Variants in FER observed in about 807,000 individuals in gnomAD.
FER encodes the protein FER tyrosine kinase, also known as tyrosine-protein kinase Fer.
FER carries 63 observed loss-of-function variants against 111.0 expected under a neutral mutation model. That is an observed-to-expected ratio of 0.57 (90% CI 0.46 to 0.70). FER has a LOEUF of 0.70. Ranked by LOEUF, FER falls within the 30% of genes least tolerant of loss-of-function variation. The pLI is 0.00. For missense variants in FER, 914 were observed against 954.0 expected, an observed-to-expected ratio of 0.96 and a Z score of 0.55; for synonymous variants, 327 against 313.9, an observed-to-expected ratio of 1.04 and a Z score of -0.44.
chr5:108,918,729 C>T (rs1031864473), intron 10 of FER, among the ~76,000 whole-genome samples: 4 of 151,988 alleles, frequency 2.6e-5, no homozygotes, highest in East Asian at 1.9e-4. Flanking sequence ...CCTCATGATC[C>T]GCCCGCCTCA....
intron 10 of FER, among the ~76,000 whole-genome samples, chr5:108,905,941 G>A (rs1750697700): frequency 6.6e-6 from 1 of 152,134 alleles, no homozygotes; most frequent in African/African-American, 2.4e-5. Flanking sequence ...ATCTGGAGTA[G>A]TTACAGAGAT....
At chr5:108,883,968 A>G (rs1765927353) in intron 9 of FER, among the ~76,000 whole-genome samples, 1 of 151,972 alleles carries the variant, frequency 6.6e-6, no homozygotes, top group Admixed American at 6.6e-5. Context: ...TAGCTGTGCT[A>G]TTTTGTCTTG....
At chr5:109,054,165 T>A (rs1356291190) in intron 16 of FER, among the ~76,000 whole-genome samples, 1 of 152,188 alleles carries the variant, frequency 6.6e-6, no homozygotes, top group Non-Finnish European at 1.5e-5. Flanking sequence ...GTGGAATGAA[T>A]CGATCATCTG....
intron 11 of FER, among the ~76,000 whole-genome samples, chr5:108,952,012 C>G (rs1038030194): frequency 1.3e-5 from 2 of 152,072 alleles, no homozygotes; most frequent in African/African-American, 4.8e-5. Flanking sequence ...CTAATTCCAG[C>G]ATATTTTTGC....
chr5:109,115,344 T>C (rs1282040381), intron 17 of FER, among the ~76,000 whole-genome samples: 5 of 152,000 alleles, frequency 3.3e-5, no homozygotes, highest in Non-Finnish European at 5.9e-5. Flanking sequence ...CGATGGTGGG[T>C]GAAGGTGACT....
chr5:109,005,142 C>T (rs756537913), intron 13 of FER, among the ~76,000 whole-genome samples: 86 of 152,072 alleles, frequency 5.7e-4, no homozygotes, highest in Admixed American at 1.6e-3. Context: ...CGAGATGATG[C>T]AGCTGCCCTA....
At chr5:108,841,357 G>T (rs529011471) in intron 5 of FER, among the ~76,000 whole-genome samples, 1 of 152,228 alleles carries the variant, frequency 6.6e-6, no homozygotes, top group East Asian at 1.9e-4. Context: ...TAAACACTTG[G>T]TTAGGTTTAG....
At chr5:108,994,862 C>T (rs543632912) in intron 13 of FER, among the ~76,000 whole-genome samples, 21 of 152,216 alleles carry the variant, frequency 1.4e-4, no homozygotes, top group Non-Finnish European at 1.6e-4. Flanking sequence ...ATTTTATTCT[C>T]TTTGTAGCAA....
chr5:108,868,038 T>G, intron 6 of FER, 88 bp downstream of exon 6: 1 of 1,265,306 alleles, frequency 7.9e-7, no homozygotes, highest in Non-Finnish European at 1.1e-6. Flanking sequence ...GCTTCATAAG[T>G]TTTATTATTA....
chr5:109,037,179 A>AGT (rs1214751023), intron 13 of FER, among the ~76,000 whole-genome samples: 1 of 152,068 alleles, frequency 6.6e-6, no homozygotes, highest in East Asian at 1.9e-4. Flanking sequence ...CAGAGATACT[A>AGT]TCATTTCGAA....
At chr5:108,993,524 CTG>C (rs1380899195) in intron 13 of FER, among the ~76,000 whole-genome samples, 37 of 150,550 alleles carry the variant, frequency 2.5e-4, no homozygotes, top group Non-Finnish European at 3.0e-5. Context: ...CAGAGGGAGA[CTG>C]TGGAAAGAGA....
In FER at chr5:109,180,832, G is replaced by A. The variant is rs759087973; in HGVS notation, c.2134G>A (p.Gly712Arg). 11 of 1,613,500 alleles carry A rather than the reference G, an allele frequency of 6.8e-6. No homozygotes were observed. Among genetic ancestry groups the A allele is most frequent in the Non-Finnish European group, 9.3e-6 (11 of 1,179,656 alleles). ...TGGAATGTCTCGTCAAGAGGATGGT[G>A]GAGTGTATTCATCTTCTGGCTTAAA... is the stretch of plus-strand genomic sequence containing the variant. ...DFGMSRQEDG[G>R]VYSSSGLKQI... The change falls in exon 18 of 20, where the codon GGA becomes AGA. Residue 712 changes from glycine to arginine, a missense_variant. Gly to Arg is a moderately radical substitution (Grantham distance 125). This residue lies in a region of FER where 134 missense variants were observed against 149.4 expected (regional missense o/e 0.90). Coordinates refer to ENST00000281092, the MANE Select transcript of FER (RefSeq NM_005246.4).
intron 10 of FER, among the ~76,000 whole-genome samples, chr5:108,899,007 T>C (rs1749603300): frequency 6.6e-6 from 1 of 151,556 alleles, no homozygotes; most frequent in Non-Finnish European, 1.5e-5. Flanking sequence ...AGTTATGCTA[T>C]AGCTGATATT....
At chr5:108,983,982 G>T (rs1342358168) in intron 13 of FER, among the ~76,000 whole-genome samples, 2 of 151,956 alleles carry the variant, frequency 1.3e-5, no homozygotes, top group Admixed American at 6.6e-5. Context: ...TATTTATTGA[G>T]CACCTGCTTT....
chr5:109,168,491 C>T (rs1756779320), intron 17 of FER, among the ~76,000 whole-genome samples: 1 of 151,968 alleles, frequency 6.6e-6, no homozygotes, highest in Non-Finnish European at 1.5e-5. Flanking sequence ...ATTGAAGCCT[C>T]CATAAAAACC....
At chr5:109,093,625 C>T (rs1747102846) in intron 16 of FER, among the ~76,000 whole-genome samples, 1 of 152,030 alleles carries the variant, frequency 6.6e-6, no homozygotes. Flanking sequence ...GGTTATGATA[C>T]ATTCAATTTC....
At chr5:109,187,331 C>A in intron 19 of FER, 102 bp from the exon 20 acceptor site, 2 of 1,220,644 alleles carry the variant, frequency 1.6e-6, no homozygotes, top group Non-Finnish European at 2.3e-6. Context: ...CATATAACTA[C>A]AACATAAGGT....
chr5:108,871,490 T>C lies in FER; in HGVS notation c.791T>C (p.Ile264Thr). 1.2e-6 allele frequency: 2 copies of C among 1,604,968 alleles called. No homozygotes were observed. The highest frequency in any genetic ancestry group is 1.7e-6 in the Non-Finnish European group (2 of 1,174,620). Reference sequence around the variant, plus strand: ...CCTAGTACAGAATACAATAATTTCATAGATGTTCACAGGTATGACATGTTT... The same window carrying C: ...CCTAGTACAGAATACAATAATTTCACAGATGTTCACAGGTATGACATGTTT... ...IDPSTEYNNF[I>T]DVHRTTAAKE... Residue 264 changes from isoleucine to threonine, a missense_variant, in exon 7 of 20, where the codon ATA becomes ACA. Coordinates refer to ENST00000281092, the MANE Select transcript of FER (RefSeq NM_005246.4).
At chr5:108,791,386 T>C (rs943746467) in intron 2 of FER, among the ~76,000 whole-genome samples, 1 of 152,142 alleles carries the variant, frequency 6.6e-6, no homozygotes, top group African/African-American at 2.4e-5. Flanking sequence ...TTTCCTGATA[T>C]ATTGAGCATC....
Sources: gnomAD v4.1 joint callset for allele counts (sites outside exome capture counted in the v4.1 genomes callset) on GRCh38, gnomAD v4.1.1 for gene constraint, gnomAD v4.1.1 regional missense constraint, MANE v1.5 for transcripts, NCBI Gene and HGNC (gene_info 2026-07-23, HGNC 2026-07-21) for gene names.